Variants in VEGFB observed in about 807,000 individuals in gnomAD.
The protein encoded by VEGFB is VEGF-related factor.
In VEGFB, 24 loss-of-function variants were observed where a neutral mutation model predicts 22.5. The observed-to-expected ratio is 1.07, with a 90% confidence interval of 0.77 to 1.50. The LOEUF (loss-of-function observed/expected upper bound fraction) is 1.50. Among genes scored for constraint, VEGFB ranks in the 40% most tolerant of loss-of-function variants. The pLI is 0.00. For synonymous variants in VEGFB, 141 were observed against 117.4 expected, an observed-to-expected ratio of 1.20 and a Z score of -1.30; for missense variants, 327 against 287.8, an observed-to-expected ratio of 1.14 and a Z score of -0.99.
rs2029975773 is a variant in VEGFB at position 64,235,983 on chromosome 11, A to C, written c.274A>C (p.Thr92Pro). 6.2e-7 allele frequency: 1 copy of C among 1,602,028 alleles called. No individual in the cohort carries two copies. Among genetic ancestry groups the C allele is most frequent in the Non-Finnish European group, 8.5e-7 (1 of 1,174,960 alleles). ...TGACGATGGCCTGGAGTGTGTGCCC[A>C]CTGGGCAGCACCAAGTCCGGATGCA... ...CPDDGLECVPTGQHQVRMQIL... is the reference protein window; with the variant it reads ...CPDDGLECVPPGQHQVRMQIL... Residue 92 changes from threonine (T) to proline (P), a missense_variant, in exon 3 of 7, where the codon ACT (threonine) becomes CCT (proline). Physicochemically the swap from Thr to Pro is conservative, Grantham distance 38 (BLOSUM62 -1). Transcript: ENST00000309422.
intron 4 of VEGFB, among the ~76,000 whole-genome samples, chr11:64,236,807 A>G (rs990388209): frequency 7.1e-6 from 1 of 141,154 alleles, no homozygotes; most frequent in African/African-American, 2.6e-5. Context: ...GGCCGGGGGT[A>G]GTGGCTCACA....
rs1412011219 is a variant in VEGFB at position 64,238,579 on chromosome 11, A to G, written c.*246A>G. 4.7e-6 allele frequency: 3 copies of G among 642,482 alleles called. No individual in the cohort carries two copies. Among genetic ancestry groups the G allele is most frequent in the Non-Finnish European group, 8.0e-6 (3 of 373,072 alleles). 39.8% of individuals were successfully genotyped at this position (642,482 alleles called of 1,614,324 possible). Reference sequence around the variant, plus strand: ...CCATCATCAAACAGGACAGAGTTGGAAGAGGAGACTGGGAGGCAGCAAGAG... The same window carrying G: ...CCATCATCAAACAGGACAGAGTTGGGAGAGGAGACTGGGAGGCAGCAAGAG... On this transcript the variant is annotated 3_prime_UTR_variant, in exon 7 of 7. Coordinates refer to ENST00000309422, the MANE Select transcript of VEGFB (RefSeq NM_003377.5).
rs998276317 is a variant in VEGFB, at chr11:64,235,857, C to T, written c.148C>T (p.Arg50Trp). Residue 50 changes from arginine to tryptophan, a missense_variant, in exon 3 of 7, where the codon CGG (arginine) becomes TGG (tryptophan). Coordinates refer to ENST00000309422, the MANE Select transcript of VEGFB (RefSeq NM_003377.5). ...DVYTRATCQP[R>W]EVVVPLTVEL... ...GTATACTCGCGCTACCTGCCAGCCC[C>T]GGGAGGTGGTGGTGCCCTTGACTGT... 9.3e-6 allele frequency: 15 copies of T among 1,613,940 alleles called. No homozygotes were observed. The East Asian group carries it at 1.6e-4, about 17-fold the overall frequency.
In VEGFB at chr11:64,237,543, T is replaced by G. The variant is rs775032920; in HGVS notation, c.534T>G (p.Ala178=). The change falls in exon 6 of 7, where the codon GCT becomes GCG. Residue 178 remains alanine, a synonymous_variant. Transcript: ENST00000309422. ...CAGCCCCAGGCCCCTCTGCCCACGC[T>G]GCACCCAGCACCACCAGCGCCCTGA... is the stretch of plus-strand genomic sequence containing the variant. ...PTPAPGPSAH[A]APSTTSALTP... The G allele has an allele frequency of 2.3e-5, 37 of 1,608,344 alleles. No individual in the cohort carries two copies. The Admixed American group carries it at 2.5e-4, about 11-fold the overall frequency.
At chr11:64,235,750 C>G (rs949816062) in intron 2 of VEGFB, 63 bp from the exon 3 acceptor site, 1 of 1,589,296 alleles carries the variant, frequency 6.3e-7, no homozygotes, top group South Asian at 1.1e-5. Flanking sequence ...CTGGGGAGGA[C>G]AGATGCTGGG....
At chr11:64,237,315 A>G (rs2030171112) in intron 5 of VEGFB, 93 bp downstream of exon 5, 12 of 1,502,808 alleles carry the variant, frequency 8.0e-6, no homozygotes, top group Middle Eastern at 3.5e-4. Context: ...CCCGTCCCCC[A>G]CTTTCCCTTT....
rs181631915 is a variant in VEGFB, at chr11:64,235,704, G to T, written c.104-109G>T. 1.4e-4 allele frequency: 196 copies of T among 1,374,614 alleles called. No individual in the cohort carries two copies. In the East Asian group the frequency reaches 4.0e-3, roughly 28 times the overall value. The allele number at this position is 1,374,614 out of a possible 1,614,324, so 85.2% of individuals were successfully genotyped here. A position where few individuals can be genotyped will look rare whatever the true frequency, so the allele number is the denominator to read the frequency against. ...GGAAGACAGGTTGTGAGGGCAGAGT[G>T]GGGAGGGCTAGTGGAGGGTGGCTGT... On this transcript the variant is annotated intron_variant, in intron 2 of 6. Coordinates refer to ENST00000309422, the MANE Select transcript of VEGFB (RefSeq NM_003377.5).
At position 64,237,081 on chromosome 11, in the gene VEGFB, CT is replaced by C. The variant is rs1366304364; in HGVS notation, c.375-105del. 4.8e-4 allele frequency: 343 copies of C among 711,736 alleles called. 47 individuals are homozygous for C. The highest frequency in any genetic ancestry group is 2.6e-3 in the East Asian group (37 of 14,040). The allele number at this position is 711,736 out of a possible 1,614,324, so 44.1% of individuals were successfully genotyped here. ...CTGGGCAAGAAGAGGGAAACACAGT[CT>C]CAAAGAGAGAGAGAGAGAGAGAGAG... is the stretch of plus-strand genomic sequence containing the variant. On this transcript the variant is annotated intron_variant, in intron 4 of 6. Transcript: ENST00000309422.
intron 4 of VEGFB, 60 bp from the exon 5 acceptor site, chr11:64,237,127 G>GAGATATATATATATATAT: frequency 1.2e-6 from 1 of 813,206 alleles, no homozygotes; most frequent in East Asian, 3.2e-5. Context: ...GAGAGAGTAG[G>GAGATATATATATATATAT]ATGCTGGGAT....
Position 64,237,006 on chromosome 11 carries a change from C to T in VEGFB, c.375-181C>T, listed in dbSNP as rs558676492. ...GCTGAGACAAGAGAATAGCTTGAACCTGGGAGGCGGAGGTTGCAGTGAGCC... is the reference window on the plus strand; with the variant it reads ...GCTGAGACAAGAGAATAGCTTGAACTTGGGAGGCGGAGGTTGCAGTGAGCC... On this transcript the variant is annotated intron_variant, in intron 4 of 6. Transcript: ENST00000309422. The T allele has an allele frequency of 1.5e-4, 67 of 458,308 alleles. 3 individuals are homozygous for T. Among genetic ancestry groups the T allele is most frequent in the East Asian group, 1.3e-3 (33 of 24,578 alleles). The allele number at this position is 458,308 out of a possible 1,614,324, so 28.4% of individuals were successfully genotyped here.
intron 2 of VEGFB, 117 bp from the exon 3 acceptor site, chr11:64,235,696 G>T: frequency 1.5e-6 from 2 of 1,339,218 alleles, no homozygotes; most frequent in Non-Finnish European, 1.0e-6. Flanking sequence ...AGGTTGTGAG[G>T]GCAGAGTGGG....
Position 64,237,482 on chromosome 11 carries a change from G to T in VEGFB, c.473G>T (p.Gly158Val). 1 of 1,612,154 alleles carries T rather than the reference G, an allele frequency of 6.2e-7. No individual in the cohort carries two copies. Residue 158 changes from glycine (G) to valine (V), a missense_variant, in exon 6 of 7, where the codon GGA becomes GTA. By Grantham distance (109) the Gly-to-Val change is moderately radical (BLOSUM62 -3). Coordinates refer to ENST00000309422, the MANE Select transcript of VEGFB (RefSeq NM_003377.5). ...RSVPGWDSAP[G>V]APSPADITHP... Reference sequence around the variant, plus strand: ...GTTCCGGGCTGGGACTCTGCCCCCGGAGCACCCTCCCCAGCTGACATCACC... The same window carrying T: ...GTTCCGGGCTGGGACTCTGCCCCCGTAGCACCCTCCCCAGCTGACATCACC...
chr11:64,235,744 G>T, intron 2 of VEGFB, 69 bp from the exon 3 acceptor site: 2 of 1,577,562 alleles, frequency 1.3e-6, no homozygotes. Context: ...TGGGGACTGG[G>T]GAGGACAGAT....
chr11:64,236,001 C>G lies in VEGFB; in HGVS notation c.292C>G (p.Arg98Gly). The G allele has an allele frequency of 6.3e-7, 1 of 1,590,830 alleles. No individual in the cohort carries two copies. The highest frequency in any genetic ancestry group is 1.1e-5 in the South Asian group (1 of 89,150). The change falls in exon 3 of 7, where the codon CGG becomes GGG. Residue 98 changes from arginine to glycine, a missense_variant. Physicochemically the swap from Arg to Gly is moderately radical, Grantham distance 125 (BLOSUM62 -2). Coordinates refer to ENST00000309422, the MANE Select transcript of VEGFB (RefSeq NM_003377.5). Reference protein sequence around the residue: ...ECVPTGQHQVRMQILMIRYPS... With the variant: ...ECVPTGQHQVGMQILMIRYPS... ...TGTGCCCACTGGGCAGCACCAAGTC[C>G]GGATGCAGGTACTGGGCAGGTGGGG...
At chr11:64,236,438 G>A (rs1163853847) in intron 4 of VEGFB, 111 bp downstream of exon 4, 10 of 1,069,610 alleles carry the variant, frequency 9.3e-6, no homozygotes, top group East Asian at 2.5e-5. Context: ...CCAAGGGGCC[G>A]GGCGTGGTAG....
chr11:64,234,661 C>G lies in VEGFB; in HGVS notation c.-173C>G, dbSNP rs1235230749. 6.7e-6 allele frequency: 1 copy of G among 148,616 alleles called. No homozygotes were observed. Among genetic ancestry groups the G allele is most frequent in the African/African-American group, 2.5e-5 (1 of 39,492 alleles). The allele number at this position is 148,616 out of a possible 1,614,324, so 9.2% of individuals were successfully genotyped here. A position where few individuals can be genotyped will look rare whatever the true frequency, so the allele number is the denominator to read the frequency against. On this transcript the variant is annotated 5_prime_UTR_variant, in exon 1 of 7. Transcript: ENST00000309422. This position sits in a 1 kb window ranked among gnomAD's most constrained non-coding sequence, Gnocchi z 5.3. The stretch of plus-strand genomic sequence containing the variant: ...CTCCGGCCGCCTCCGCTGCGCTGCG[C>G]TGCGCTGCCTGCACCCAGGGCTCGG...
intron 4 of VEGFB, 32 bp from the exon 5 acceptor site, chr11:64,237,155 G>A (rs545483300): frequency 3.9e-6 from 6 of 1,552,092 alleles, no homozygotes; most frequent in Admixed American, 1.7e-5. Context: ...TCTTCCTCTT[G>A]TTTGTCTGTG....
rs1388391357 is a variant in VEGFB at position 64,235,500 on chromosome 11, G to A, written c.103G>A (p.Val35Met). The A allele has an allele frequency of 2.5e-6, 4 of 1,613,940 alleles. No homozygotes were observed. Among genetic ancestry groups the A allele is most frequent in the Non-Finnish European group, 3.4e-6 (4 of 1,179,988 alleles). Residue 35 changes from valine (V) to methionine (M), a missense_variant and splice_region_variant, in exon 2 of 7, where the codon GTG becomes ATG. Val to Met is a conservative substitution (Grantham distance 21, BLOSUM62 1). Transcript: ENST00000309422. Reference protein sequence around the residue: ...QPDAPGHQRKVVSWIDVYTRA... With the variant: ...QPDAPGHQRKMVSWIDVYTRA... Reference sequence around the variant, plus strand: ...TGATGCCCCTGGCCACCAGAGGAAAGGTAATACTTACAAAAACTCGGCACT... The same window carrying A: ...TGATGCCCCTGGCCACCAGAGGAAAAGTAATACTTACAAAAACTCGGCACT...
At position 64,235,869 on chromosome 11, in the gene VEGFB, G is replaced by A; in HGVS notation, c.160G>A (p.Val54Met). Residue 54 changes from valine to methionine, a missense_variant, in exon 3 of 7, where the codon GTG becomes ATG. Val to Met is a conservative substitution (Grantham distance 21, BLOSUM62 1). Coordinates refer to ENST00000309422, the MANE Select transcript of VEGFB (RefSeq NM_003377.5). Reference protein sequence around the residue: ...RATCQPREVVVPLTVELMGTV... With the variant: ...RATCQPREVVMPLTVELMGTV... ...TACCTGCCAGCCCCGGGAGGTGGTG[G>A]TGCCCTTGACTGTGGAGCTCATGGG... The A allele has an allele frequency of 6.2e-7, 1 of 1,614,004 alleles. No individual in the cohort carries two copies. Among genetic ancestry groups the A allele is most frequent in the Non-Finnish European group, 8.5e-7 (1 of 1,180,020 alleles).
Sources: allele counts gnomAD v4.1 joint callset (sites outside exome capture counted in the v4.1 genomes callset), GRCh38; gene constraint gnomAD v4.1.1; non-coding constraint Gnocchi (gnomAD v3.1); transcripts MANE v1.5; gene names NCBI Gene and HGNC (gene_info 2026-07-23, HGNC 2026-07-21).